Variants in TRAPPC9 observed in about 807,000 individuals in gnomAD.
TRAPPC9 encodes IKK2 binding protein.
In TRAPPC9, 83 loss-of-function variants were observed where a neutral mutation model predicts 124.0. The ratio of observed to expected loss-of-function variants is 0.67; its 90% CI spans 0.56 to 0.80. TRAPPC9 has a LOEUF of 0.80. Ranked by LOEUF, TRAPPC9 falls within the 30% of genes least tolerant of loss-of-function variation. TRAPPC9 has a pLI of 0.00. For synonymous variants in TRAPPC9, 638 were observed against 617.5 expected, an observed-to-expected ratio of 1.03 and a Z score of -0.49; for missense variants, 1,302 against 1,508.3, an observed-to-expected ratio of 0.86 and a Z score of 2.27.
rs191826797 is a variant in TRAPPC9, at chr8:139,809,447, G to A, written c.3055+76432C>T. 2.0e-5 allele frequency among the ~76,000 whole-genome samples: 3 copies of A among 152,358 alleles called. No homozygotes were observed. The East Asian group carries it at 5.8e-4, about 29-fold the overall frequency. The stretch of plus-strand genomic sequence containing the variant: ...ACCGGGCAACTTCCTGCGCCAGACA[G>A]GAGGCAGGCTATGAAATCACTGAGT... On this transcript the variant is annotated intron_variant, in intron 21 of 22. Transcript: ENST00000438773.
chr8:139,985,445 G>A (rs376451795), intron 19 of TRAPPC9, among the ~76,000 whole-genome samples: 95 of 152,300 alleles, frequency 6.2e-4, no homozygotes, highest in African/African-American at 2.1e-3. Context: ...AGACCCCAGA[G>A]GATGCATCGA....
At chr8:140,272,120 G>GTGATAGTGATTATGGTGGTGGCGATGA (rs1554657930) in intron 15 of TRAPPC9, among the ~76,000 whole-genome samples, 10 of 126,378 alleles carry the variant, frequency 7.9e-5, no homozygotes, top group African/African-American at 3.1e-4. Context: ...GGTGGCAATG[G>GTGATAGTGATTATGGTGGTGGCGATGA]TGATGGTGGC....
intron 17 of TRAPPC9, among the ~76,000 whole-genome samples, chr8:140,060,759 C>T (rs778904664): frequency 7.9e-5 from 12 of 152,298 alleles, no homozygotes; most frequent in South Asian, 6.2e-4. Flanking sequence ...TATTATCTGA[C>T]GACCCTTATT....
chr8:140,128,633 C>T (rs1384950872), intron 17 of TRAPPC9, among the ~76,000 whole-genome samples: 1 of 152,140 alleles, frequency 6.6e-6, no homozygotes, highest in East Asian at 1.9e-4. Flanking sequence ...AAAATGATCC[C>T]GTGGGGTGGG....
intron 9 of TRAPPC9, among the ~76,000 whole-genome samples, chr8:140,350,228 T>C (rs1021171633): frequency 1.3e-5 from 2 of 152,240 alleles, no homozygotes; most frequent in Non-Finnish European, 2.9e-5. Flanking sequence ...TTCAAAATAA[T>C]TGCAGTGATT....
intron 5 of TRAPPC9, among the ~76,000 whole-genome samples, chr8:140,421,145 G>A (rs2070189456): frequency 6.6e-6 from 1 of 152,254 alleles, no homozygotes; most frequent in South Asian, 2.1e-4. Flanking sequence ...TCAGCCCAAA[G>A]TGCACTAGCC....
Position 139,728,999 on chromosome 8 carries a change from A to G in TRAPPC9, c.*2062T>C, listed in dbSNP as rs1314960519. Among the ~76,000 whole-genome samples the G allele has an allele frequency of 6.6e-6, 1 of 152,200 alleles. No individual in the cohort carries two copies. Among genetic ancestry groups the G allele is most frequent in the African/African-American group, 2.4e-5 (1 of 41,440 alleles). On this transcript the variant is annotated 3_prime_UTR_variant, in exon 23 of 23. Coordinates refer to ENST00000438773, the MANE Select transcript of TRAPPC9 (RefSeq NM_001160372.4). Reference sequence around the variant, plus strand: ...CTTTTCTAGGCTTCTATATGCATCTATATCTAATCTGGATCTGTGGCTGGA... The same window carrying G: ...CTTTTCTAGGCTTCTATATGCATCTGTATCTAATCTGGATCTGTGGCTGGA...
chr8:139,996,651 G>A (rs1203655105), intron 18 of TRAPPC9, among the ~76,000 whole-genome samples: 1 of 152,024 alleles, frequency 6.6e-6, no homozygotes, highest in Non-Finnish European at 1.5e-5. Flanking sequence ...ATAAATAATG[G>A]CCACACCCCC....
chr8:140,080,887 G>C (rs1563745511), intron 17 of TRAPPC9, among the ~76,000 whole-genome samples: 1 of 152,214 alleles, frequency 6.6e-6, no homozygotes, highest in Non-Finnish European at 1.5e-5. Context: ...GAAAGCTTCT[G>C]TTGAATGCTT....
At chr8:140,183,765 G>A (rs1269723141) in intron 17 of TRAPPC9, among the ~76,000 whole-genome samples, 1 of 151,530 alleles carries the variant, frequency 6.6e-6, no homozygotes, top group Admixed American at 6.6e-5. Context: ...TGAAGCAGGA[G>A]AATCGCTTGA....
intron 5 of TRAPPC9, among the ~76,000 whole-genome samples, chr8:140,423,605 C>CACACACACAT (rs1225213515): frequency 6.6e-6 from 1 of 151,434 alleles, no homozygotes; most frequent in East Asian, 1.9e-4. Flanking sequence ...CACACACACA[C>CACACACACAT]ACACATCACA....
intron 21 of TRAPPC9, among the ~76,000 whole-genome samples, chr8:139,747,698 G>A (rs533572328): frequency 5.5e-5 from 4 of 72,176 alleles, no homozygotes; most frequent in Admixed American, 2.6e-4. Flanking sequence ...GTGGGTGTGG[G>A]GGGTGTCCCG....
intron 16 of TRAPPC9, among the ~76,000 whole-genome samples, chr8:140,232,717 T>C (rs1397634231): frequency 6.6e-6 from 1 of 152,210 alleles, no homozygotes; most frequent in Admixed American, 6.5e-5. Flanking sequence ...TTTATACGTG[T>C]TACTCCATTT....
chr8:140,060,700 T>A (rs948081328), intron 17 of TRAPPC9, among the ~76,000 whole-genome samples: 1 of 151,966 alleles, frequency 6.6e-6, no homozygotes, highest in African/African-American at 2.4e-5. Flanking sequence ...CTGGGTGGGT[T>A]TTGGTTTATT....
At chr8:140,208,484 G>A (rs1257391454) in intron 17 of TRAPPC9, among the ~76,000 whole-genome samples, 1 of 152,242 alleles carries the variant, frequency 6.6e-6, no homozygotes, top group Non-Finnish European at 1.5e-5. Flanking sequence ...CCAGCAAGCT[G>A]TGGCATAACC....
chr8:140,144,463 T>C (rs2061426753), intron 17 of TRAPPC9, among the ~76,000 whole-genome samples: 1 of 112,486 alleles, frequency 8.9e-6, no homozygotes. Context: ...ACTATTTTTC[T>C]TTTCATTCAT....
chr8:140,429,509 C>T (rs2070555750), intron 4 of TRAPPC9, among the ~76,000 whole-genome samples: 1 of 152,218 alleles, frequency 6.6e-6, no homozygotes, highest in Non-Finnish European at 1.5e-5. Flanking sequence ...TCCAACCTAC[C>T]TTATCTGGTT....
chr8:139,803,358 G>T (rs551860221), intron 21 of TRAPPC9, among the ~76,000 whole-genome samples: 124 of 152,366 alleles, frequency 8.1e-4, no homozygotes, highest in African/African-American at 2.8e-3. Context: ...CCCGTGGGCA[G>T]AAATTTGACT....
intron 19 of TRAPPC9, among the ~76,000 whole-genome samples, chr8:139,917,167 C>CTT (rs71318317): frequency 1.2e-4 from 12 of 99,930 alleles, no homozygotes; most frequent in African/African-American, 3.9e-4. Flanking sequence ...TTATTATTTT[C>CTT]TTTTTTTTTT....
Sources: gnomAD v4.1 joint callset for allele counts (sites outside exome capture counted in the v4.1 genomes callset) on GRCh38, gnomAD v4.1.1 for gene constraint, MANE v1.5 for transcripts, NCBI Gene and HGNC (gene_info 2026-07-23, HGNC 2026-07-21) for gene names.